EPHA6: variants seen among roughly 807,000 people sequenced by gnomAD.
EPHA6 encodes EPH receptor A6, also known as ephrin type-A receptor 6.
EPHA6 carries 50 observed loss-of-function variants against 112.0 expected under a neutral mutation model. The ratio of observed to expected loss-of-function variants is 0.45; its 90% CI spans 0.36 to 0.56. The LOEUF is 0.56. EPHA6 is among the 20% of genes least tolerant of loss of function. The pLI, the probability that EPHA6 is intolerant of heterozygous loss-of-function variation, is 0.00. For synonymous variants in EPHA6, 529 were observed against 490.7 expected (o/e 1.08, Z -1.03); for missense variants, 1,280 against 1,417.4 (o/e 0.90, Z 1.56).
intron 2 of EPHA6, among the ~76,000 whole-genome samples, chr3:96,967,205 CACTT>C (rs2042153513): frequency 6.7e-6 from 1 of 150,248 alleles, no homozygotes; most frequent in Non-Finnish European, 1.5e-5. Context: ...CACACACACA[CACTT>C]TATGTAACAT....
chr3:97,383,580 T>C (rs972507708), intron 5 of EPHA6, among the ~76,000 whole-genome samples: 1 of 152,078 alleles, frequency 6.6e-6, no homozygotes, highest in Non-Finnish European at 1.5e-5. Context: ...TGCGAGAAAG[T>C]ATATTAGTTT....
At chr3:97,105,805 C>CT (rs1029340483) in intron 3 of EPHA6, among the ~76,000 whole-genome samples, 11 of 152,144 alleles carry the variant, frequency 7.2e-5, no homozygotes, top group Admixed American at 7.2e-4. Flanking sequence ...TTGTAGGTCT[C>CT]TAAGAACTTG....
chr3:97,499,159 C>T lies in EPHA6; in HGVS notation c.2200+15100C>T, dbSNP rs145067091. ...CTTCTCTTTACTCCCCATCCAACCT[C>T]GATTCTTGTTCATCTGTGGCAATGA... On this transcript the variant is annotated intron_variant, in intron 10 of 17. Transcript: ENST00000389672. 2.0e-3 allele frequency among the ~76,000 whole-genome samples: 305 copies of T among 152,224 alleles called. 2 individuals carry two copies. The highest frequency in any genetic ancestry group is 6.7e-3 in the African/African-American group (278 of 41,546).
chr3:97,422,390 C>G (rs921698556), intron 6 of EPHA6, among the ~76,000 whole-genome samples: 51 of 152,152 alleles, frequency 3.4e-4, no homozygotes, highest in South Asian at 8.3e-4. Flanking sequence ...AACTGCAATT[C>G]AACAAGAATA....
rs59991703 is a variant in EPHA6, at chr3:97,424,110, G to A, written c.1731+18836G>A. Among the ~76,000 whole-genome samples the A allele has an allele frequency of 7.5e-3, 1,138 of 152,292 alleles. 16 individuals carry two copies. The highest frequency in any genetic ancestry group is 0.025 in the African/African-American group (1,030 of 41,564). On this transcript the variant is annotated intron_variant, in intron 6 of 17. Coordinates refer to ENST00000389672, the MANE Select transcript of EPHA6 (RefSeq NM_001080448.3). ...ACAATCATGGTGGAAGGCGAATGAGGAGCAAAGTTATGTCTTACATGGCAG... is the reference window on the plus strand; with the variant it reads ...ACAATCATGGTGGAAGGCGAATGAGAAGCAAAGTTATGTCTTACATGGCAG...
At chr3:97,320,820 AAATAAAAAAAAT>A (rs1217481021) in intron 5 of EPHA6, among the ~76,000 whole-genome samples, 2,243 of 145,484 alleles carry the variant, frequency 0.015, 150 homozygotes, top group African/African-American at 0.056. Flanking sequence ...TGGGGGCAAA[AAATAAAAAAAAT>A]AAAAAAAAAG....
Position 97,675,342 on chromosome 3 carries a change from G to A in EPHA6, c.2784+37260G>A, listed in dbSNP as rs143851692. Among the ~76,000 whole-genome samples the A allele has an allele frequency of 5.4e-3, 825 of 152,040 alleles. 10 individuals are homozygous for A. The highest frequency in any genetic ancestry group is 0.019 in the African/African-American group (795 of 41,502). On this transcript the variant is annotated intron_variant, in intron 14 of 17. Coordinates refer to ENST00000389672, the MANE Select transcript of EPHA6 (RefSeq NM_001080448.3). ...AAAAATACAAAAAATTAGCCAGGCG[G>A]GGTGGTGGGTGCCTGTAATCCCAGC...
intron 14 of EPHA6, chr3:97,646,055 T>A: frequency 7.9e-7 from 1 of 1,265,040 alleles, no homozygotes. Flanking sequence ...ATGGAAGCTA[T>A]CCTTTTCTAA....
At chr3:97,262,552 G>GT (rs1175703344) in intron 5 of EPHA6, among the ~76,000 whole-genome samples, 3 of 152,116 alleles carry the variant, frequency 2.0e-5, no homozygotes, top group Non-Finnish European at 4.4e-5. Context: ...TCAATCTGGT[G>GT]TTTTTTGCAG....
intron 15 of EPHA6, among the ~76,000 whole-genome samples, chr3:97,728,657 G>A (rs1027849398): frequency 1.5e-4 from 23 of 152,036 alleles, no homozygotes; most frequent in Non-Finnish European, 3.4e-4. Flanking sequence ...ATTTTTTGAG[G>A]TGAAAGGTAC....
chr3:97,251,782 T>C (rs368524459), intron 5 of EPHA6, among the ~76,000 whole-genome samples: 49 of 152,126 alleles, frequency 3.2e-4, no homozygotes, highest in African/African-American at 1.2e-3. Flanking sequence ...TAATTTATGA[T>C]GTCCAGTGAA....
At chr3:97,098,741 A>T (rs1018337732) in intron 3 of EPHA6, among the ~76,000 whole-genome samples, 1 of 151,856 alleles carries the variant, frequency 6.6e-6, no homozygotes, top group Non-Finnish European at 1.5e-5. Context: ...AACACTTCGT[A>T]GTCTGTATTA....
intron 3 of EPHA6, among the ~76,000 whole-genome samples, chr3:97,044,264 T>C (rs2045425720): frequency 6.6e-6 from 1 of 152,184 alleles, no homozygotes; most frequent in Admixed American, 6.6e-5. Flanking sequence ...TTTATAATAT[T>C]TCACATTGGA....
At chr3:97,248,579 C>A (rs927288995) in intron 5 of EPHA6, among the ~76,000 whole-genome samples, 1 of 152,040 alleles carries the variant, frequency 6.6e-6, no homozygotes, top group African/African-American at 2.4e-5. Context: ...CTGATATTTG[C>A]TAAAGGGTCT....
At chr3:96,876,133 ATTT>A (rs112570955) in intron 2 of EPHA6, among the ~76,000 whole-genome samples, 3 of 140,820 alleles carry the variant, frequency 2.1e-5, no homozygotes, top group Non-Finnish European at 1.5e-5. Context: ...AAATACATAT[ATTT>A]TTTTTTTTTT....
chr3:97,646,223 G>A, intron 14 of EPHA6: 1 of 1,535,698 alleles, frequency 6.5e-7, no homozygotes, highest in Non-Finnish European at 8.7e-7. Flanking sequence ...GTACTGGACT[G>A]GTCCTCATGT....
chr3:96,854,792 C>A (rs2035597502), intron 1 of EPHA6, among the ~76,000 whole-genome samples: 1 of 152,016 alleles, frequency 6.6e-6, no homozygotes, highest in Non-Finnish European at 1.5e-5. Context: ...TGAAGAGACC[C>A]TAGTTGAGTT....
chr3:97,075,819 A>C (rs2108176652), intron 3 of EPHA6, among the ~76,000 whole-genome samples: 1 of 152,082 alleles, frequency 6.6e-6, no homozygotes, highest in South Asian at 2.1e-4. Flanking sequence ...GTGTTTAAAA[A>C]ATTTTATTAT....
chr3:97,710,065 G>A (rs1288044375), intron 14 of EPHA6, among the ~76,000 whole-genome samples: 1 of 152,188 alleles, frequency 6.6e-6, no homozygotes, highest in African/African-American at 2.4e-5. Context: ...CTTTAAAATA[G>A]ATTTATTTGT....
Sources: gnomAD v4.1 joint callset for allele counts (sites outside exome capture counted in the v4.1 genomes callset) on GRCh38, gnomAD v4.1.1 for gene constraint, MANE v1.5 for transcripts, NCBI Gene and HGNC (gene_info 2026-07-23, HGNC 2026-07-21) for gene names.